TMEM179: variants seen among roughly 807,000 people sequenced by gnomAD.
The protein encoded by TMEM179 is transmembrane protein 179, also known as transmembrane protein 179A.
In TMEM179, 17 loss-of-function variants were observed where a neutral mutation model predicts 22.2. The ratio of observed to expected loss-of-function variants is 0.77; its 90% CI spans 0.52 to 1.15. The LOEUF (loss-of-function observed/expected upper bound fraction) is 1.15. TMEM179 is among the 50% of genes most tolerant of loss of function. The probability of loss-of-function intolerance (pLI) is 0.00; values close to 1 mark genes in which losing one functional copy is unlikely to be tolerated. For synonymous variants in TMEM179, 127 were observed against 140.5 expected, an observed-to-expected ratio of 0.90 and a Z score of 0.68; for missense variants, 265 against 313.6, an observed-to-expected ratio of 0.84 and a Z score of 1.17.
chr14:104,591,564 G>GC lies in TMEM179; in HGVS notation c.*1914dup. On this transcript the variant is annotated 3_prime_UTR_variant, in exon 4 of 4. Coordinates refer to ENST00000556573, the MANE Select transcript of TMEM179 (RefSeq NM_001286389.2). Reference sequence around the variant, plus strand: ...AACTCAGCTGGTCCCCAAGGCCAGAGCCCCCTTGAGCTTCCAGAGCCTCGA... The same window carrying GC: ...AACTCAGCTGGTCCCCAAGGCCAGAGCCCCCCTTGAGCTTCCAGAGCCTCGA... 2 of 371,876 alleles carry GC rather than the reference G, an allele frequency of 5.4e-6. No homozygotes were observed. Among genetic ancestry groups the GC allele is most frequent in the Non-Finnish European group, 5.3e-6 (1 of 188,506 alleles). 23.0% of individuals were successfully genotyped at this position (371,876 alleles called of 1,614,324 possible). A position where few individuals can be genotyped will look rare whatever the true frequency, so the allele number is the denominator to read the frequency against.
At chr14:104,594,339 AGGCCAGCCAC>A (rs1395282512) in intron 3 of TMEM179, 3 of 1,231,644 alleles carry the variant, frequency 2.4e-6, no homozygotes, top group Non-Finnish European at 2.0e-6. Context: ...AAGCGTCCTC[AGGCCAGCCAC>A]GGCCAGCAAG....
chr14:104,597,121 G>C lies in TMEM179; in HGVS notation c.312C>G (p.Phe104Leu). The C allele has an allele frequency of 6.3e-7, 1 of 1,594,680 alleles. No individual in the cohort carries two copies. Among genetic ancestry groups the C allele is most frequent in the Non-Finnish European group, 8.5e-7 (1 of 1,171,786 alleles). ...FFLCKGHEGS[F>L]FSAFLNLLVS... Reference sequence around the variant, plus strand: ...CCAGGAGGTTCAGGAAGGCGGAGAAGAAGGAGCTGCAGCCAGAAACAGGAG... The same window carrying C: ...CCAGGAGGTTCAGGAAGGCGGAGAACAAGGAGCTGCAGCCAGAAACAGGAG... The change falls in exon 2 of 4, where the codon TTC becomes TTG. Residue 104 changes from phenylalanine to leucine, a missense_variant. Phe to Leu is a conservative substitution (Grantham distance 22). Coordinates refer to ENST00000556573, the MANE Select transcript of TMEM179 (RefSeq NM_001286389.2). The surrounding 1 kb of genome is among the most constrained non-coding windows in gnomAD (Gnocchi z 4.8).
chr14:104,604,543 G>C lies in TMEM179; in HGVS notation c.199C>G (p.Pro67Ala). 1 of 1,539,266 alleles carries C rather than the reference G, an allele frequency of 6.5e-7. No homozygotes were observed. Among genetic ancestry groups the C allele is most frequent in the Non-Finnish European group, 8.7e-7 (1 of 1,145,864 alleles). Residue 67 changes from proline (P) to alanine (A), a missense_variant, in exon 1 of 4, where the codon CCG becomes GCG. By Grantham distance (27) the Pro-to-Ala change is conservative. Transcript: ENST00000556573. This position sits in a 1 kb window ranked among gnomAD's most constrained non-coding sequence, Gnocchi z 4.6. ...AGGCTGAAGCGGCAGGCGGCCGGCG[G>C]GCCCCACTCCTGCACCGTGAAGCGC... ...RERFTVQEWGPPAACRFSLLA... is the reference protein window; with the variant it reads ...RERFTVQEWGAPAACRFSLLA...
chr14:104,603,985 T>C (rs1290971583), intron 1 of TMEM179, among the ~76,000 whole-genome samples: 1 of 152,172 alleles, frequency 6.6e-6, no homozygotes, highest in Non-Finnish European at 1.5e-5. Flanking sequence ...TGCCGTCCCT[T>C]TCCCGGGGCG....
chr14:104,600,051 T>A (rs1222198462), intron 1 of TMEM179, among the ~76,000 whole-genome samples: 3 of 152,092 alleles, frequency 2.0e-5, no homozygotes, highest in African/African-American at 7.2e-5. Flanking sequence ...GAGTTCCCCA[T>A]GAGATAGGGA....
In TMEM179 at chr14:104,596,969, AGGCGGGTGG is replaced by A; in HGVS notation, c.443+12_443+20del. 2 of 1,512,296 alleles carry A rather than the reference AGGCGGGTGG, an allele frequency of 1.3e-6. No homozygotes were observed. Among genetic ancestry groups the A allele is most frequent in the Non-Finnish European group, 1.8e-6 (2 of 1,121,174 alleles). 93.7% of individuals were successfully genotyped at this position (1,512,296 alleles called of 1,614,324 possible). A position where few individuals can be genotyped will look rare whatever the true frequency, so the allele number is the denominator to read the frequency against. On this transcript the variant is annotated intron_variant, in intron 2 of 3. Transcript: ENST00000556573. ...CTTCCGGGGAGGTGGGCGGAGGCCG[AGGCGGGTGG>A]GGCGGGCGCACCTGTGGGGTACGGT...
chr14:104,593,698 G>T (rs1364078892), intron 3 of TMEM179, 40 bp from the exon 4 acceptor site: 1 of 1,437,220 alleles, frequency 7.0e-7, no homozygotes, highest in South Asian at 1.5e-5. Context: ...GCCGTTGGGG[G>T]TCCGCTGTCA....
At chr14:104,598,567 C>T (rs1887121948) in intron 1 of TMEM179, among the ~76,000 whole-genome samples, 2 of 152,256 alleles carry the variant, frequency 1.3e-5, no homozygotes, top group South Asian at 2.1e-4. Flanking sequence ...AGCACCTGCT[C>T]GCCCTGTGCT....
chr14:104,603,893 T>C (rs1230321357), intron 1 of TMEM179, among the ~76,000 whole-genome samples: 1 of 152,158 alleles, frequency 6.6e-6, no homozygotes, highest in Non-Finnish European at 1.5e-5. Context: ...GGCACAGCCC[T>C]CGCCCTGCAG....
chr14:104,602,047 C>T (rs866125724), intron 1 of TMEM179, among the ~76,000 whole-genome samples: 1 of 152,182 alleles, frequency 6.6e-6, no homozygotes, highest in Non-Finnish European at 1.5e-5. Flanking sequence ...CTGGGAAGGC[C>T]TGCAGACTCC....
At chr14:104,603,807 G>A (rs1487193275) in intron 1 of TMEM179, among the ~76,000 whole-genome samples, 1 of 152,192 alleles carries the variant, frequency 6.6e-6, no homozygotes, top group East Asian at 1.9e-4. Context: ...GGTTGTATGG[G>A]CTCCAGTATC....
intron 3 of TMEM179, chr14:104,594,065 G>T: frequency 8.1e-7 from 1 of 1,232,738 alleles, no homozygotes; most frequent in Non-Finnish European, 1.0e-6. Flanking sequence ...GGAATAAATT[G>T]ACCTTTAGCC....
intron 3 of TMEM179, 91 bp from the exon 4 acceptor site, chr14:104,593,749 G>T (rs974236348): frequency 7.2e-7 from 1 of 1,379,932 alleles, no homozygotes; most frequent in African/African-American, 1.5e-5. Context: ...CTGCTCTGCA[G>T]GGAAAGGACA....
rs183825173 is a variant in TMEM179 at position 104,595,971 on chromosome 14, G to A, written c.444-728C>T. ...GTCTGTGAGGCCAAGGAAACTTTGC[G>A]TGTGTACCAGAGGTTGCCCACACTC... On this transcript the variant is annotated intron_variant, in intron 2 of 3. Coordinates refer to ENST00000556573, the MANE Select transcript of TMEM179 (RefSeq NM_001286389.2). The surrounding 1 kb of genome is among the most constrained non-coding windows in gnomAD (Gnocchi z 5.7). Among the ~76,000 whole-genome samples the A allele has an allele frequency of 1.8e-4, 27 of 152,384 alleles. No individual in the cohort carries two copies. The highest frequency in any genetic ancestry group is 1.5e-3 in the Admixed American group (23 of 15,312).
rs1887083668 is a variant in TMEM179 at position 104,597,715 on chromosome 14, C to CCCA, written c.306-589_306-588insTGG. On this transcript the variant is annotated intron_variant, in intron 1 of 3. Coordinates refer to ENST00000556573, the MANE Select transcript of TMEM179 (RefSeq NM_001286389.2). This position sits in a 1 kb window ranked among gnomAD's most constrained non-coding sequence, Gnocchi z 4.8. ...ATCGAACCTGGATCCCAGCCTGGATCGCAGACCTCTAGCCTCCGGAAGTGT... is the reference window on the plus strand; with the variant it reads ...ATCGAACCTGGATCCCAGCCTGGATCCCAGCAGACCTCTAGCCTCCGGAAGTGT... Among the ~76,000 whole-genome samples, 1 of 152,148 alleles carries CCCA rather than the reference C, an allele frequency of 6.6e-6. No homozygotes were observed. The highest frequency in any genetic ancestry group is 2.1e-4 in the South Asian group (1 of 4,828).
At chr14:104,600,586 T>C (rs60794775) in intron 1 of TMEM179, among the ~76,000 whole-genome samples, 14,729 of 142,994 alleles carry the variant, frequency 0.1, 810 homozygotes, top group Middle Eastern at 0.2. Flanking sequence ...ATTCATCCAT[T>C]CATTCATTCA....
At chr14:104,603,487 G>A (rs959022172) in intron 1 of TMEM179, among the ~76,000 whole-genome samples, 12 of 135,252 alleles carry the variant, frequency 8.9e-5, no homozygotes, top group African/African-American at 3.4e-4. Flanking sequence ...GAGTGGGAGG[G>A]CCCACAGAGG....
intron 1 of TMEM179, among the ~76,000 whole-genome samples, chr14:104,599,086 G>A (rs1887150917): frequency 6.6e-6 from 1 of 152,202 alleles, no homozygotes; most frequent in African/African-American, 2.4e-5. Context: ...TCGCCAGGAT[G>A]GGTGTGGGGC....
At chr14:104,593,765 C>T in intron 3 of TMEM179, 107 bp from the exon 4 acceptor site, 1 of 1,298,188 alleles carries the variant, frequency 7.7e-7, no homozygotes, top group Non-Finnish European at 1.0e-6. Context: ...GGACAGGACT[C>T]AGAGGAAGGA....
Sources: allele counts gnomAD v4.1 joint callset (sites outside exome capture counted in the v4.1 genomes callset), GRCh38; gene constraint gnomAD v4.1.1; non-coding constraint Gnocchi (gnomAD v3.1); transcripts MANE v1.5; gene names NCBI Gene and HGNC (gene_info 2026-07-23, HGNC 2026-07-21).